KAZN: variants seen among roughly 807,000 people sequenced by gnomAD.
The protein encoded by KAZN is kazrin.
A neutral mutation model predicts 87.4 loss-of-function variants in KAZN; 40 were observed. That is an observed-to-expected ratio of 0.46 (90% CI 0.36 to 0.60). The LOEUF (loss-of-function observed/expected upper bound fraction) is 0.60. Ranked by LOEUF, KAZN falls within the 20% of genes least tolerant of loss-of-function variation. The pLI is 0.00. For synonymous variants in KAZN, 466 were observed against 458.3 expected, an observed-to-expected ratio of 1.02 and a Z score of -0.22; for missense variants, 898 against 1,073.9, an observed-to-expected ratio of 0.84 and a Z score of 2.29.
At chr1:14,867,915 GA>G (rs1651669404) in intron 1 of KAZN, among the ~76,000 whole-genome samples, 2 of 67,638 alleles carry the variant, frequency 3.0e-5, no homozygotes, top group Non-Finnish European at 8.1e-5. Flanking sequence ...TGGCTACAGG[GA>G]GGACAGCAGT....
intron 2 of KAZN, among the ~76,000 whole-genome samples, chr1:14,469,743 G>A (rs867360213): frequency 4.6e-5 from 7 of 152,280 alleles, no homozygotes; most frequent in African/African-American, 7.2e-5. Flanking sequence ...AAGAGGCCAC[G>A]ATGTCAGATT....
intron 2 of KAZN, among the ~76,000 whole-genome samples, chr1:14,550,637 T>TA (rs1188032977): frequency 2.0e-5 from 3 of 151,784 alleles, no homozygotes; most frequent in Non-Finnish European, 4.4e-5. Context: ...GATTTTTTTT[T>TA]AACGAATAAG....
chr1:14,740,526 A>C (rs1644061165), intron 1 of KAZN, among the ~76,000 whole-genome samples: 1 of 151,312 alleles, frequency 6.6e-6, no homozygotes. Flanking sequence ...CCCCAATTCC[A>C]TCCTATCCTC....
At chr1:14,987,996 C>G (rs570983723) in intron 2 of KAZN, among the ~76,000 whole-genome samples, 5 of 152,138 alleles carry the variant, frequency 3.3e-5, no homozygotes, top group Non-Finnish European at 7.4e-5. Flanking sequence ...GCAAGTGAGG[C>G]CAGCTCTGGC....
chr1:15,036,388 T>C (rs908201792), intron 3 of KAZN, among the ~76,000 whole-genome samples: 4 of 122,896 alleles, frequency 3.3e-5, no homozygotes, highest in Admixed American at 2.6e-4. Context: ...CCTGCCCAGC[T>C]CCCCCTGCCC....
In KAZN at chr1:13,941,086, C is replaced by G. The variant is rs6697129; in HGVS notation, c.91+47330C>G. Among the ~76,000 whole-genome samples, 1,260 of 151,900 alleles carry G rather than the reference C, an allele frequency of 8.3e-3. 15 individuals carry two copies. Among genetic ancestry groups the G allele is most frequent in the African/African-American group, 0.029 (1,188 of 41,380 alleles). On this transcript the variant is annotated intron_variant, in intron 1 of 16. Transcript: ENST00000636203. ...GCACATGCCTATAATCCCAGCTACT[C>G]GGGAGGCTGAGGGGGAGAGAATCGC...
In KAZN at chr1:14,053,110, C is replaced by A. The variant is rs1028990407; in HGVS notation, c.92-127325C>A. Among the ~76,000 whole-genome samples, 85 of 152,212 alleles carry A rather than the reference C, an allele frequency of 5.6e-4. 4 individuals carry two copies. Among genetic ancestry groups the A allele is most frequent in the Non-Finnish European group, 2.4e-4 (16 of 68,042 alleles). On this transcript the variant is annotated intron_variant, in intron 1 of 16. Transcript: ENST00000636203. ...TGTTACATGGCAGTGGTCACGGGAT[C>A]TTACTCCTGTGACATTACATCACAC... is the stretch of plus-strand genomic sequence containing the variant.
intron 1 of KAZN, among the ~76,000 whole-genome samples, chr1:14,939,936 T>A (rs997605507): frequency 1.5e-4 from 23 of 152,080 alleles, no homozygotes; most frequent in African/African-American, 5.3e-4. Context: ...GAGTGCCAGG[T>A]TCCAAAGGCA....
chr1:14,622,265 T>C (rs1179909976), intron 1 of KAZN, among the ~76,000 whole-genome samples: 1 of 152,212 alleles, frequency 6.6e-6, no homozygotes, highest in African/African-American at 2.4e-5. Flanking sequence ...AGTGCATTGA[T>C]CAATTCTAAT....
chr1:14,308,483 A>G (rs565271124), intron 2 of KAZN, among the ~76,000 whole-genome samples: 16 of 152,378 alleles, frequency 1.1e-4, no homozygotes, highest in African/African-American at 3.8e-4. Context: ...TAAAAGTTAT[A>G]TAGAAGTTTC....
At chr1:15,108,627 C>T (rs1247727453) in intron 13 of KAZN, among the ~76,000 whole-genome samples, 2 of 152,206 alleles carry the variant, frequency 1.3e-5, no homozygotes, top group Non-Finnish European at 2.9e-5. Context: ...TCTTGTGCCT[C>T]TCTGCCCTTG....
chr1:13,986,349 G>T lies in KAZN; in HGVS notation c.91+92593G>T, dbSNP rs965672948. On this transcript the variant is annotated intron_variant, in intron 1 of 16. Coordinates refer to the KAZN transcript ENST00000636203. ...TGAGATTGGGGTAATTAAAATGTTT[G>T]TTATAATTTTCACATTCCTTAACTT... is the stretch of plus-strand genomic sequence containing the variant. Among the ~76,000 whole-genome samples the T allele has an allele frequency of 2.6e-5, 4 of 152,228 alleles. No individual in the cohort carries two copies. The East Asian group carries it at 7.7e-4, about 29-fold the overall frequency.
intron 2 of KAZN, among the ~76,000 whole-genome samples, chr1:15,007,436 T>G (rs1257928258): frequency 9.9e-5 from 15 of 152,222 alleles, no homozygotes; most frequent in Non-Finnish European, 1.8e-4. Flanking sequence ...CGGTCCCCAG[T>G]TTGGCACACT....
chr1:14,111,352 A>C (rs1644496392), intron 1 of KAZN, among the ~76,000 whole-genome samples: 1 of 134,250 alleles, frequency 7.4e-6, no homozygotes, highest in African/African-American at 2.9e-5. Flanking sequence ...AGACAGATCT[A>C]CACTGTAGAA....
At chr1:14,900,466 A>G (rs1448107267) in intron 1 of KAZN, among the ~76,000 whole-genome samples, 1 of 152,122 alleles carries the variant, frequency 6.6e-6, no homozygotes, top group Admixed American at 6.5e-5. Flanking sequence ...GTAAAGAGCT[A>G]TGGTTGGCCG....
chr1:14,067,582 G>A (rs2101542320), intron 1 of KAZN, among the ~76,000 whole-genome samples: 1 of 152,266 alleles, frequency 6.6e-6, no homozygotes, highest in African/African-American at 2.4e-5. Flanking sequence ...GCCTCATGCT[G>A]CTCTGTAAAC....
At chr1:14,063,393 A>C (rs757407252) in intron 1 of KAZN, among the ~76,000 whole-genome samples, 39 of 152,132 alleles carry the variant, frequency 2.6e-4, no homozygotes, top group Non-Finnish European at 5.3e-4. Flanking sequence ...CTGTTAAGAG[A>C]CTTTCAGCCC....
intron 1 of KAZN, among the ~76,000 whole-genome samples, chr1:13,986,491 C>G (rs1639023675): frequency 6.6e-6 from 1 of 152,050 alleles, no homozygotes; most frequent in African/African-American, 2.4e-5. Flanking sequence ...TTTATAGGTC[C>G]TAGTTAGAGT....
chr1:13,910,795 TAAG>T (rs1248964509), intron 1 of KAZN, among the ~76,000 whole-genome samples: 3 of 152,082 alleles, frequency 2.0e-5, no homozygotes, highest in Non-Finnish European at 4.4e-5. Context: ...TTTCCCATAA[TAAG>T]AAGAGATATG....
Sources: allele counts gnomAD v4.1 joint callset (sites outside exome capture counted in the v4.1 genomes callset), GRCh38; gene constraint gnomAD v4.1.1; transcripts MANE v1.5; gene names NCBI Gene and HGNC (gene_info 2026-07-23, HGNC 2026-07-21).